The following NRP2 variants were observed in gnomAD, a reference collection of about 807,000 sequenced individuals.
NRP2 encodes neuropilin 2, also known as neuropilin-2.
NRP2 carries 52 observed loss-of-function variants against 110.4 expected under a neutral mutation model. The ratio of observed to expected loss-of-function variants is 0.47; its 90% CI spans 0.38 to 0.59. The LOEUF (loss-of-function observed/expected upper bound fraction) is 0.59. NRP2 is among the 20% of genes least tolerant of loss of function. The probability of loss-of-function intolerance (pLI) is 0.00; values close to 1 mark genes in which losing one functional copy is unlikely to be tolerated. For synonymous variants in NRP2, 508 were observed against 468.9 expected (o/e 1.08, Z -1.08); for missense variants, 1,049 against 1,203.0 (o/e 0.87, Z 1.89).
At chr2:205,717,339 G>C (rs1559322659) in intron 3 of NRP2, among the ~76,000 whole-genome samples, 1 of 152,156 alleles carries the variant, frequency 6.6e-6, no homozygotes, top group Non-Finnish European at 1.5e-5. Context: ...TCGAGGGGAG[G>C]TTGTCAGCCT....
chr2:205,776,522 G>T, intron 15 of NRP2: 1 of 1,592,942 alleles, frequency 6.3e-7, no homozygotes, highest in Middle Eastern at 1.7e-4. Context: ...GGCTCGCACT[G>T]CTGAGGGCCG....
chr2:205,747,404 T>A (rs1457510992), intron 10 of NRP2, among the ~76,000 whole-genome samples: 1 of 152,114 alleles, frequency 6.6e-6, no homozygotes, highest in Non-Finnish European at 1.5e-5. Flanking sequence ...CATAGGGTCA[T>A]TGTGAGGATT....
intron 3 of NRP2, chr2:205,722,230 C>G: frequency 1.9e-6 from 1 of 518,432 alleles, no homozygotes. Context: ...TACCTCCACC[C>G]CACTCCCCAA....
chr2:205,719,270 C>T (rs1018452158), intron 3 of NRP2, among the ~76,000 whole-genome samples: 4 of 152,112 alleles, frequency 2.6e-5, no homozygotes, highest in African/African-American at 4.8e-5. Flanking sequence ...GGTACATTAC[C>T]CTGGTGAGGC....
intron 15 of NRP2, among the ~76,000 whole-genome samples, chr2:205,785,570 A>T (rs2058227206): frequency 6.6e-6 from 1 of 152,228 alleles, no homozygotes; most frequent in African/African-American, 2.4e-5. Context: ...GACTTGGGGT[A>T]AAAAAGAGGT....
intron 15 of NRP2, among the ~76,000 whole-genome samples, chr2:205,781,118 C>T (rs2058169119): frequency 6.6e-6 from 1 of 152,210 alleles, no homozygotes; most frequent in Non-Finnish European, 1.5e-5. Flanking sequence ...CTAAATTAGC[C>T]ATCACTTATG....
At chr2:205,752,732 G>A (rs2057668379) in intron 11 of NRP2, 103 bp from the exon 12 acceptor site, 3 of 1,236,016 alleles carry the variant, frequency 2.4e-6, no homozygotes, top group Non-Finnish European at 3.5e-6. Flanking sequence ...TTCTTTCTCT[G>A]CTCTCCACTC....
chr2:205,763,807 C>T lies in NRP2; in HGVS notation c.2178C>T (p.Arg726=). The T allele has an allele frequency of 6.2e-7, 1 of 1,614,054 alleles. No individual in the cohort carries two copies. Among genetic ancestry groups the T allele is most frequent in the South Asian group, 1.1e-5 (1 of 91,060 alleles). Residue 726 remains arginine (R), a synonymous_variant, in exon 13 of 17, where the codon CGC becomes CGT. Transcript: ENST00000357785. This position sits in a 1 kb window ranked among gnomAD's most constrained non-coding sequence, Gnocchi z 4.0. ...TCCAGTACCAGGCCACGGGCGGCCG[C>T]GGGGTGGCGCTGCAGGTGGTGCGGG... ...MEFQYQATGG[R]GVALQVVREA...
chr2:205,724,020 C>T (rs1016053269), intron 5 of NRP2, 80 bp downstream of exon 5: 1 of 1,510,552 alleles, frequency 6.6e-7, no homozygotes, highest in South Asian at 1.1e-5. Context: ...GGGCTGAGCT[C>T]TTATGAGGGA....
Position 205,743,332 on chromosome 2 carries a change from G to T in NRP2, c.1421G>T (p.Trp474Leu), listed in dbSNP as rs2057477364. ...AARLVSSRSGWFPRIPQAQPG... is the reference protein window; with the variant it reads ...AARLVSSRSGLFPRIPQAQPG... ...CGCCTGGTTAGCAGCCGCTCGGGCT[G>T]GTTCCCTCGAATCCCTCAGGCCCAG... is the stretch of plus-strand genomic sequence containing the variant. The change falls in exon 9 of 17, where the codon TGG becomes TTG. Residue 474 changes from tryptophan to leucine, a missense_variant. Trp to Leu is a moderately conservative substitution (Grantham distance 61). Coordinates refer to ENST00000357785, the MANE Select transcript of NRP2 (RefSeq NM_003872.3). 2 of 1,614,194 alleles carry T rather than the reference G, an allele frequency of 1.2e-6. No individual in the cohort carries two copies. Among genetic ancestry groups the T allele is most frequent in the Non-Finnish European group, 1.7e-6 (2 of 1,180,024 alleles).
chr2:205,726,147 C>G, intron 6 of NRP2, 65 bp downstream of exon 6: 1 of 1,527,992 alleles, frequency 6.5e-7, no homozygotes, highest in South Asian at 1.1e-5. Flanking sequence ...AGGGTAGCTC[C>G]TCAAATACAG....
Position 205,792,292 on chromosome 2 carries a change from A to T in NRP2, c.2476+7A>T. On this transcript the variant is annotated splice_region_variant and intron_variant, in intron 16 of 16. Coordinates refer to ENST00000357785, the MANE Select transcript of NRP2 (RefSeq NM_003872.3). ...TATGAAGATGAAATTGATGGTGAGT[A>T]CTGTTATGATTTAGCAGGTAATCGT... The T allele has an allele frequency of 6.3e-7, 1 of 1,598,376 alleles. No individual in the cohort carries two copies. Among genetic ancestry groups the T allele is most frequent in the Non-Finnish European group, 8.6e-7 (1 of 1,165,674 alleles).
chr2:205,723,757 C>A (rs758276653), intron 4 of NRP2, 28 bp from the exon 5 acceptor site: 1 of 1,613,588 alleles, frequency 6.2e-7, no homozygotes, highest in Non-Finnish European at 8.5e-7. Flanking sequence ...TTGATTTCCA[C>A]TGACTTCTCT....
intron 15 of NRP2, among the ~76,000 whole-genome samples, chr2:205,784,343 CTT>C (rs952642915): frequency 6.6e-6 from 1 of 152,208 alleles, no homozygotes; most frequent in Non-Finnish European, 1.5e-5. Flanking sequence ...CACAAAGAAA[CTT>C]TTTGTCTCTT....
chr2:205,755,345 C>A (rs1173515279), intron 12 of NRP2, among the ~76,000 whole-genome samples: 1 of 152,162 alleles, frequency 6.6e-6, no homozygotes, highest in East Asian at 1.9e-4. Flanking sequence ...GTTGTTCCTC[C>A]CTTAAGATAT....
chr2:205,743,544 CA>C lies in NRP2; in HGVS notation c.1634del (p.Gln545ArgfsTer57). ...WEYIQDPRTQ[Q>X]PKLFEGNMHY... ...ATACATTCAGGACCCCAGGACCCAGCAGCCAAAGGTAGGCTGTTCTTGGAGG... is the reference window on the plus strand; with the variant it reads ...ATACATTCAGGACCCCAGGACCCAGCGCCAAAGGTAGGCTGTTCTTGGAGG... On this transcript the variant is annotated frameshift_variant, in exon 9 of 17. Transcript: ENST00000357785. LOFTEE classifies it high-confidence loss of function. 3 of 1,614,198 alleles carry C rather than the reference CA, an allele frequency of 1.9e-6. No homozygotes were observed. Among genetic ancestry groups the C allele is most frequent in the Non-Finnish European group, 2.5e-6 (3 of 1,180,014 alleles).
chr2:205,792,773 C>T (rs1431137144), intron 16 of NRP2, among the ~76,000 whole-genome samples: 1 of 152,206 alleles, frequency 6.6e-6, no homozygotes, highest in Admixed American at 6.5e-5. Flanking sequence ...CTTTTTCACA[C>T]TGACCATCTC....
At position 205,792,070 on chromosome 2, in the gene NRP2, A is replaced by G. The variant is rs79547167; in HGVS notation, c.2426-165A>G. Among the ~76,000 whole-genome samples the G allele has an allele frequency of 4.6e-3, 694 of 152,330 alleles. 11 individuals carry two copies. Among genetic ancestry groups the G allele is most frequent in the African/African-American group, 0.016 (656 of 41,568 alleles). ...TTGGAGGAAGACACAGGTCATCTGA[A>G]GGAGAACAATCCAGTAATGTCCATA... is the stretch of plus-strand genomic sequence containing the variant. On this transcript the variant is annotated intron_variant, in intron 15 of 16. Transcript: ENST00000357785.
At chr2:205,721,275 T>TAAA (rs2057006325) in intron 3 of NRP2, among the ~76,000 whole-genome samples, 1 of 152,200 alleles carries the variant, frequency 6.6e-6, no homozygotes, top group South Asian at 2.1e-4. Flanking sequence ...AACACCCAGT[T>TAAA]TATCGAGTAT....
Sources: gnomAD v4.1 joint callset for allele counts (sites outside exome capture counted in the v4.1 genomes callset) on GRCh38, gnomAD v4.1.1 for gene constraint, Gnocchi (gnomAD v3.1) non-coding constraint, MANE v1.5 for transcripts, NCBI Gene and HGNC (gene_info 2026-07-23, HGNC 2026-07-21) for gene names.